Variants in SGCZ observed in about 807,000 individuals in gnomAD.
SGCZ encodes the protein zeta-sarcoglycan.
In SGCZ, 40 loss-of-function variants were observed where a neutral mutation model predicts 41.3. The ratio of observed to expected loss-of-function variants is 0.97; its 90% CI spans 0.75 to 1.26. SGCZ has a LOEUF of 1.26. SGCZ is among the 50% of genes most tolerant of loss of function. The pLI, the probability that SGCZ is intolerant of heterozygous loss-of-function variation, is 0.00. For missense variants in SGCZ, 552 were observed against 369.8 expected, an observed-to-expected ratio of 1.49 and a Z score of -4.04; for synonymous variants, 206 against 137.5, an observed-to-expected ratio of 1.50 and a Z score of -3.49.
chr8:15,033,228 T>C (rs1398187723), intron 1 of SGCZ, among the ~76,000 whole-genome samples: 1 of 151,348 alleles, frequency 6.6e-6, no homozygotes, highest in African/African-American at 2.4e-5. Context: ...AGGCCAGCCC[T>C]CATAGACCTA....
intron 2 of SGCZ, among the ~76,000 whole-genome samples, chr8:14,477,213 A>G (rs985966636): frequency 1.1e-4 from 17 of 152,192 alleles, no homozygotes; most frequent in African/African-American, 3.6e-4. Flanking sequence ...AATTATTCAT[A>G]TGAATTTTCA....
intron 1 of SGCZ, among the ~76,000 whole-genome samples, chr8:14,826,618 T>A (rs1409346710): frequency 6.6e-6 from 1 of 152,156 alleles, no homozygotes; most frequent in Non-Finnish European, 1.5e-5. Context: ...TTTTTAATGA[T>A]CGCCATTCTA....
At chr8:14,702,277 T>C (rs1554483656) in intron 1 of SGCZ, among the ~76,000 whole-genome samples, 1 of 151,932 alleles carries the variant, frequency 6.6e-6, no homozygotes, top group Non-Finnish European at 1.5e-5. Flanking sequence ...TGCCTGCTTC[T>C]TCTCTCTGTG....
At chr8:15,082,350 C>T (rs747796193) in intron 1 of SGCZ, among the ~76,000 whole-genome samples, 1 of 151,992 alleles carries the variant, frequency 6.6e-6, no homozygotes, top group Middle Eastern at 3.4e-3. Flanking sequence ...ATATTAGGTA[C>T]TCAATAAACA....
intron 1 of SGCZ, among the ~76,000 whole-genome samples, chr8:14,936,266 C>T (rs1391838093): frequency 6.6e-6 from 1 of 151,870 alleles, no homozygotes; most frequent in Non-Finnish European, 1.5e-5. Context: ...TCTGATAAAC[C>T]CATCATAATT....
intron 7 of SGCZ, among the ~76,000 whole-genome samples, chr8:14,092,773 A>G (rs1481237485): frequency 2.6e-5 from 4 of 152,024 alleles, no homozygotes. Flanking sequence ...GTGTGAATAC[A>G]TTAATTGTCT....
At chr8:14,286,551 C>T (rs182856690) in intron 3 of SGCZ, among the ~76,000 whole-genome samples, 3 of 152,204 alleles carry the variant, frequency 2.0e-5, no homozygotes, top group Non-Finnish European at 4.4e-5. Context: ...TAGTTTATAT[C>T]TAACAATATA....
intron 1 of SGCZ, among the ~76,000 whole-genome samples, chr8:14,644,262 T>G (rs2117437350): frequency 6.6e-6 from 1 of 151,768 alleles, no homozygotes; most frequent in South Asian, 2.1e-4. Flanking sequence ...TTGCCCTCCA[T>G]AAAGTGAGTA....
chr8:14,202,917 T>A (rs1805500997), intron 4 of SGCZ, among the ~76,000 whole-genome samples: 1 of 152,128 alleles, frequency 6.6e-6, no homozygotes, highest in East Asian at 1.9e-4. Context: ...GTGGGAGGAA[T>A]CAGGCGGGAG....
intron 2 of SGCZ, among the ~76,000 whole-genome samples, chr8:14,409,320 T>C (rs1426053190): frequency 6.6e-6 from 1 of 152,042 alleles, no homozygotes; most frequent in Non-Finnish European, 1.5e-5. Flanking sequence ...GGCCTCTTAT[T>C]CTCCCTCAAC....
chr8:14,826,679 A>G (rs7823132), intron 1 of SGCZ, among the ~76,000 whole-genome samples: 95,202 of 151,848 alleles, frequency 0.63, 31,804 homozygotes, highest in East Asian at 0.87. Context: ...TTTCTCTGAT[A>G]GCCAGTGATG....
intron 3 of SGCZ, among the ~76,000 whole-genome samples, chr8:14,294,373 A>AT (rs1478654549): frequency 6.6e-6 from 1 of 151,932 alleles, no homozygotes; most frequent in Non-Finnish European, 1.5e-5. Flanking sequence ...AAGAGTTGGA[A>AT]TTGCAAGGCA....
chr8:14,646,073 T>C (rs1014222483), intron 1 of SGCZ, among the ~76,000 whole-genome samples: 1 of 152,004 alleles, frequency 6.6e-6, no homozygotes, highest in East Asian at 1.9e-4. Flanking sequence ...TTAACTTTTA[T>C]TTTAGATACA....
chr8:14,240,850 C>T (rs910451383), intron 3 of SGCZ, among the ~76,000 whole-genome samples: 1 of 152,142 alleles, frequency 6.6e-6, no homozygotes, highest in African/African-American at 2.4e-5. Context: ...TTTTTACACA[C>T]TATCCACTCA....
At chr8:14,693,929 A>T (rs1281768531) in intron 1 of SGCZ, among the ~76,000 whole-genome samples, 2 of 152,074 alleles carry the variant, frequency 1.3e-5, no homozygotes, top group African/African-American at 4.8e-5. Context: ...TTTCAGCCAC[A>T]CTGTACCATT....
chr8:15,033,846 G>A (rs369195412), intron 1 of SGCZ, among the ~76,000 whole-genome samples: 23 of 152,050 alleles, frequency 1.5e-4, no homozygotes, highest in Non-Finnish European at 2.8e-4. Flanking sequence ...TTCAGGCACC[G>A]TACTCAACCC....
chr8:14,735,140 G>A (rs1270546086), intron 1 of SGCZ, among the ~76,000 whole-genome samples: 2 of 152,152 alleles, frequency 1.3e-5, no homozygotes, highest in Non-Finnish European at 2.9e-5. Flanking sequence ...GCTTTCTCAG[G>A]AGGAAAATTG....
intron 1 of SGCZ, among the ~76,000 whole-genome samples, chr8:14,912,465 T>C (rs1347023695): frequency 2.0e-5 from 3 of 152,066 alleles, no homozygotes; most frequent in African/African-American, 7.2e-5. Flanking sequence ...CTATACATAT[T>C]TAGAATAAAG....
chr8:14,749,536 T>C (rs1799436938), intron 1 of SGCZ, among the ~76,000 whole-genome samples: 1 of 152,208 alleles, frequency 6.6e-6, no homozygotes, highest in Admixed American at 6.5e-5. Context: ...TGGAATTCTG[T>C]CTTATGTTAC....
Sources: gnomAD v4.1 joint callset for allele counts (sites outside exome capture counted in the v4.1 genomes callset) on GRCh38, gnomAD v4.1.1 for gene constraint, MANE v1.5 for transcripts, NCBI Gene and HGNC (gene_info 2026-07-23, HGNC 2026-07-21) for gene names.